ZSWIM5: variants seen among roughly 807,000 people sequenced by gnomAD.
ZSWIM5 encodes zinc finger SWIM-type containing 5, also known as zinc finger SWIM domain-containing protein 5.
ZSWIM5 carries 55 observed loss-of-function variants against 119.6 expected under a neutral mutation model. The ratio of observed to expected loss-of-function variants is 0.46; its 90% CI spans 0.37 to 0.58. The LOEUF (loss-of-function observed/expected upper bound fraction) is 0.58. Ranked by LOEUF, ZSWIM5 falls within the 20% of genes least tolerant of loss-of-function variation. The pLI, the probability that ZSWIM5 is intolerant of heterozygous loss-of-function variation, is 0.00. For synonymous variants in ZSWIM5, 537 were observed against 606.9 expected (o/e 0.88, Z 1.69); for missense variants, 1,193 against 1,512.8 (o/e 0.79, Z 3.51).
chr1:45,193,938 G>GTGTGTATATATATATATATATA (rs766920512), intron 1 of ZSWIM5, among the ~76,000 whole-genome samples: 5 of 146,210 alleles, frequency 3.4e-5, no homozygotes, highest in African/African-American at 1.3e-4. Flanking sequence ...GTGCATATGT[G>GTGTGTATATATATATATATATA]TATATATATA....
chr1:45,168,461 C>G (rs1645923400), intron 1 of ZSWIM5, among the ~76,000 whole-genome samples: 1 of 151,072 alleles, frequency 6.6e-6, no homozygotes, highest in African/African-American at 2.4e-5. Flanking sequence ...GCACATGTAC[C>G]CTAGAACTTA....
chr1:45,184,015 C>A (rs2149050141), intron 1 of ZSWIM5, among the ~76,000 whole-genome samples: 1 of 151,816 alleles, frequency 6.6e-6, no homozygotes, highest in East Asian at 1.9e-4. Flanking sequence ...TACTGGCAAA[C>A]CGAATCCAGC....
intron 1 of ZSWIM5, among the ~76,000 whole-genome samples, chr1:45,159,987 C>A (rs924230569): frequency 6.6e-6 from 1 of 152,156 alleles, no homozygotes; most frequent in Non-Finnish European, 1.5e-5. Flanking sequence ...GAACTCTACT[C>A]ACCAAAGGCC....
intron 1 of ZSWIM5, among the ~76,000 whole-genome samples, chr1:45,139,134 G>A (rs1003225740): frequency 3.3e-5 from 5 of 151,664 alleles, no homozygotes; most frequent in Non-Finnish European, 5.9e-5. Context: ...CGCCTGCCTC[G>A]GCCTCCCAAA....
intron 1 of ZSWIM5, among the ~76,000 whole-genome samples, chr1:45,127,272 A>G (rs1416236595): frequency 6.6e-6 from 1 of 152,204 alleles, no homozygotes; most frequent in African/African-American, 2.4e-5. Context: ...CCCAATAATC[A>G]TATAATCATA....
At chr1:45,085,745 T>A (rs1168364552) in intron 2 of ZSWIM5, among the ~76,000 whole-genome samples, 1 of 152,132 alleles carries the variant, frequency 6.6e-6, no homozygotes, top group Non-Finnish European at 1.5e-5. Context: ...TCTGAGACCA[T>A]CTCAGCCTGG....
chr1:45,070,336 T>A (rs1645214050), intron 2 of ZSWIM5: 2 of 1,412,934 alleles, frequency 1.4e-6, no homozygotes, highest in Non-Finnish European at 2.0e-6. Flanking sequence ...GCATACACAG[T>A]CATGGCCAAC....
At chr1:45,068,376 G>C (rs2149003548) in intron 2 of ZSWIM5, among the ~76,000 whole-genome samples, 1 of 151,738 alleles carries the variant, frequency 6.6e-6, no homozygotes, top group Admixed American at 6.6e-5. Context: ...AAAGTGCTGG[G>C]ATTACAGGTG....
At chr1:45,100,376 C>T (rs1019538083) in intron 1 of ZSWIM5, among the ~76,000 whole-genome samples, 5 of 152,114 alleles carry the variant, frequency 3.3e-5, no homozygotes, top group Non-Finnish European at 5.9e-5. Context: ...GAACTACAAA[C>T]CACTGCTCAA....
At chr1:45,094,874 A>C (rs2149014764) in intron 1 of ZSWIM5, among the ~76,000 whole-genome samples, 1 of 151,970 alleles carries the variant, frequency 6.6e-6, no homozygotes, top group South Asian at 2.1e-4. Context: ...AAAAAAAAAA[A>C]CAAAAGACAG....
At chr1:45,177,186 A>G (rs1388476455) in intron 1 of ZSWIM5, among the ~76,000 whole-genome samples, 2 of 152,168 alleles carry the variant, frequency 1.3e-5, no homozygotes, top group African/African-American at 4.8e-5. Flanking sequence ...GCAGAAAATA[A>G]GGAATAAACA....
At chr1:45,030,107 G>A (rs1644943120) in intron 11 of ZSWIM5, among the ~76,000 whole-genome samples, 3 of 151,910 alleles carry the variant, frequency 2.0e-5, no homozygotes, top group East Asian at 1.9e-4. Context: ...ACCTTGTCCC[G>A]CTAGTTTTTA....
chr1:45,086,029 A>G (rs778406982), intron 2 of ZSWIM5, among the ~76,000 whole-genome samples: 8 of 152,218 alleles, frequency 5.3e-5, no homozygotes, highest in Non-Finnish European at 8.8e-5. Flanking sequence ...TTTAAAAAAG[A>G]GGTTTAATTG....
chr1:45,205,831 C>G lies in ZSWIM5; in HGVS notation c.520G>C (p.Gly174Arg), dbSNP rs1557799355. 2.0e-6 allele frequency: 3 copies of G among 1,497,540 alleles called. No homozygotes were observed. The highest frequency in any genetic ancestry group is 1.8e-4 in the Middle Eastern group (1 of 5,610). The allele number at this position is 1,497,540 out of a possible 1,614,324, so 92.8% of individuals were successfully genotyped here. A position where few individuals can be genotyped will look rare whatever the true frequency, so the allele number is the denominator to read the frequency against. ...CGGCGGAACGGGAGCCCCTCGCCAC[C>G]GCAGCCGGCCGCGCCGGCCCCTGCG... ...LGAGAGAAGC[G>R]GEGLPFRRGI... The change falls in exon 1 of 14, where the codon GGT (glycine) becomes CGT (arginine). Residue 174 changes from glycine to arginine, a missense_variant. By Grantham distance (125) the Gly-to-Arg change is moderately radical. Transcript: ENST00000359600.
chr1:45,059,097 C>G (rs1038807969), intron 3 of ZSWIM5, among the ~76,000 whole-genome samples: 2 of 152,144 alleles, frequency 1.3e-5, no homozygotes, highest in Non-Finnish European at 1.5e-5. Flanking sequence ...GGCAGTTCTT[C>G]AAATGATTAA....
At chr1:45,195,412 T>A (rs576074431) in intron 1 of ZSWIM5, among the ~76,000 whole-genome samples, 146 of 152,030 alleles carry the variant, frequency 9.6e-4, no homozygotes, top group Non-Finnish European at 1.7e-3. Context: ...TAATTTTTTT[T>A]AATAGGGACA....
chr1:45,204,272 TGATC>T (rs1396203039), intron 1 of ZSWIM5, among the ~76,000 whole-genome samples: 1 of 152,126 alleles, frequency 6.6e-6, no homozygotes, highest in Non-Finnish European at 1.5e-5. Context: ...GTTAAATAAA[TGATC>T]GAAACTCAGA....
chr1:45,030,496 C>T (rs1644946611), intron 11 of ZSWIM5, among the ~76,000 whole-genome samples: 1 of 152,236 alleles, frequency 6.6e-6, no homozygotes, highest in African/African-American at 2.4e-5. Flanking sequence ...ATCCGCCCGC[C>T]TCAGCCTCCC....
chr1:45,069,564 C>T (rs1225945705), intron 2 of ZSWIM5, among the ~76,000 whole-genome samples: 2 of 152,110 alleles, frequency 1.3e-5, no homozygotes, highest in Admixed American at 6.5e-5. Flanking sequence ...TTTGAGGACT[C>T]GTTTTAATTT....
Sources: gnomAD v4.1 joint callset for allele counts (sites outside exome capture counted in the v4.1 genomes callset) on GRCh38, gnomAD v4.1.1 for gene constraint, MANE v1.5 for transcripts, NCBI Gene and HGNC (gene_info 2026-07-23, HGNC 2026-07-21) for gene names.